The following CHODL variants were observed in gnomAD, a reference collection of about 807,000 sequenced individuals.
The protein encoded by CHODL is chondrolectin.
A neutral mutation model predicts 34.5 loss-of-function variants in CHODL; 29 were observed. The observed-to-expected ratio is 0.84, with a 90% CI of 0.63 to 1.15. The LOEUF is 1.15. Ranked by LOEUF, CHODL falls within the 50% of genes most tolerant of loss-of-function variation. CHODL has a pLI of 0.00. For missense variants in CHODL, 332 were observed against 332.5 expected (o/e 1.00, Z 0.01); for synonymous variants, 125 against 116.1 (o/e 1.08, Z -0.49).
At chr21:17,994,775 A>C (rs948906441) in intron 1 of CHODL, among the ~76,000 whole-genome samples, 4 of 152,062 alleles carry the variant, frequency 2.6e-5, no homozygotes, top group Non-Finnish European at 5.9e-5. Context: ...TCAACCCCCC[A>C]GGTAATGTGT....
chr21:18,190,944 G>T (rs1601126551), intron 2 of CHODL, among the ~76,000 whole-genome samples: 1 of 152,194 alleles, frequency 6.6e-6, no homozygotes, highest in East Asian at 1.9e-4. Flanking sequence ...GAAATAAAAG[G>T]CCTGTTTTGG....
chr21:18,181,425 C>A (rs551041518), intron 2 of CHODL, among the ~76,000 whole-genome samples: 2 of 152,186 alleles, frequency 1.3e-5, no homozygotes, highest in Non-Finnish European at 2.9e-5. Flanking sequence ...CTGTTTGAGA[C>A]GGAGTCTCGC....
intron 1 of CHODL, among the ~76,000 whole-genome samples, chr21:17,963,883 A>G (rs197571): frequency 0.017 from 2,537 of 152,300 alleles, 65 homozygotes; most frequent in African/African-American, 0.057. Flanking sequence ...AGAAAAGCAC[A>G]AGAAAAACAA....
chr21:17,983,280 C>T (rs1469493902), intron 1 of CHODL, among the ~76,000 whole-genome samples: 1 of 152,106 alleles, frequency 6.6e-6, no homozygotes, highest in African/African-American at 2.4e-5. Context: ...CACTTAACAA[C>T]GTCCCTATTT....
intron 1 of CHODL, among the ~76,000 whole-genome samples, chr21:18,015,592 G>A (rs1466023193): frequency 6.6e-6 from 1 of 152,138 alleles, no homozygotes; most frequent in Non-Finnish European, 1.5e-5. Flanking sequence ...GCAGAGGGTT[G>A]AACAACTTGA....
intron 1 of CHODL, among the ~76,000 whole-genome samples, chr21:17,936,838 G>A (rs531934740): frequency 6.6e-6 from 1 of 152,286 alleles, no homozygotes; most frequent in South Asian, 2.1e-4. Flanking sequence ...CAACGTGGGA[G>A]GCTGAGGCGG....
intron 1 of CHODL, among the ~76,000 whole-genome samples, chr21:17,964,396 G>A (rs1193612052): frequency 6.6e-6 from 1 of 152,204 alleles, no homozygotes; most frequent in Non-Finnish European, 1.5e-5. Context: ...ACATGAAAAT[G>A]CCAAAACGAA....
chr21:18,091,942 G>A (rs535570557), intron 2 of CHODL, among the ~76,000 whole-genome samples: 5 of 152,256 alleles, frequency 3.3e-5, no homozygotes, highest in South Asian at 4.1e-4. Flanking sequence ...GTAGAATAGA[G>A]CAACTGGTAA....
chr21:17,987,845 A>G (rs549572338), intron 1 of CHODL, among the ~76,000 whole-genome samples: 104 of 152,264 alleles, frequency 6.8e-4, no homozygotes, highest in African/African-American at 2.5e-3. Context: ...TATGTCTATT[A>G]TGTATTTAAT....
intron 2 of CHODL, among the ~76,000 whole-genome samples, chr21:18,229,531 G>A (rs1266888167): frequency 6.6e-6 from 1 of 151,926 alleles, no homozygotes; most frequent in Non-Finnish European, 1.5e-5. Context: ...GCTGCTGTGT[G>A]AAAAAAGTGT....
At chr21:18,037,995 G>A (rs1006934970) in intron 2 of CHODL, among the ~76,000 whole-genome samples, 9 of 151,422 alleles carry the variant, frequency 5.9e-5, no homozygotes, top group Admixed American at 5.9e-4. Flanking sequence ...CTTTATAACT[G>A]GTTTTAAGCA....
At chr21:18,183,914 T>A (rs1001804838) in intron 2 of CHODL, among the ~76,000 whole-genome samples, 1 of 152,190 alleles carries the variant, frequency 6.6e-6, no homozygotes, top group Non-Finnish European at 1.5e-5. Context: ...TTTTTGAAAG[T>A]CTGATTGTTT....
At chr21:17,953,706 T>G (rs1364101879) in intron 1 of CHODL, among the ~76,000 whole-genome samples, 1 of 152,150 alleles carries the variant, frequency 6.6e-6, no homozygotes, top group Non-Finnish European at 1.5e-5. Context: ...GACCATACTA[T>G]AAACTATTTA....
intron 1 of CHODL, among the ~76,000 whole-genome samples, chr21:17,990,223 A>G (rs1273134082): frequency 1.3e-5 from 2 of 152,030 alleles, no homozygotes; most frequent in Non-Finnish European, 2.9e-5. Context: ...TTCTATCTGT[A>G]TATATATCTC....
At chr21:17,940,120 A>G (rs2063351091) in intron 1 of CHODL, among the ~76,000 whole-genome samples, 1 of 152,218 alleles carries the variant, frequency 6.6e-6, no homozygotes, top group African/African-American at 2.4e-5. Flanking sequence ...AGAAAGTTCT[A>G]TATGTGGTTC....
intron 2 of CHODL, among the ~76,000 whole-genome samples, chr21:18,069,662 G>T (rs966374846): frequency 6.6e-6 from 1 of 152,018 alleles, no homozygotes; most frequent in Non-Finnish European, 1.5e-5. Context: ...ACATAAAGTT[G>T]ACTTAGTACA....
At chr21:18,200,910 T>A (rs937985843) in intron 2 of CHODL, among the ~76,000 whole-genome samples, 40 of 152,116 alleles carry the variant, frequency 2.6e-4, no homozygotes, top group African/African-American at 9.4e-4. Context: ...GAAGGATTGC[T>A]GGGAGTCACC....
intron 1 of CHODL, among the ~76,000 whole-genome samples, chr21:17,917,699 A>T (rs540375183): frequency 6.6e-6 from 1 of 152,334 alleles, no homozygotes; most frequent in Admixed American, 6.5e-5. Flanking sequence ...AACCCAACAG[A>T]AGCCAGAGAA....
At chr21:18,226,511 C>A (rs2073932611) in intron 2 of CHODL, among the ~76,000 whole-genome samples, 2 of 152,074 alleles carry the variant, frequency 1.3e-5, no homozygotes, top group African/African-American at 4.8e-5. Context: ...GTTGGCCAGG[C>A]TGGTCTTGAA....
Sources: gnomAD v4.1 joint callset for allele counts (sites outside exome capture counted in the v4.1 genomes callset) on GRCh38, gnomAD v4.1.1 for gene constraint, MANE v1.5 for transcripts, NCBI Gene and HGNC (gene_info 2026-07-23, HGNC 2026-07-21) for gene names.